Variants in WNT11 observed in about 807,000 individuals in gnomAD.
WNT11 encodes the protein Wnt family member 11.
A neutral mutation model predicts 35.6 loss-of-function variants in WNT11; 20 were observed. The ratio of observed to expected loss-of-function variants is 0.56; its 90% CI spans 0.40 to 0.82. WNT11 has a LOEUF of 0.82. Ranked by LOEUF, WNT11 falls within the 40% of genes least tolerant of loss-of-function variation. The pLI is 0.00. For synonymous variants in WNT11, 200 were observed against 211.9 expected (o/e 0.94, Z 0.49); for missense variants, 459 against 504.4 (o/e 0.91, Z 0.86).
At chr11:76,210,271 G>A (rs2947762), upstream of WNT11, 26,918 of 337,328 alleles carry the variant, frequency 0.08, 1,397 homozygotes, top group East Asian at 0.32. Context: ...CCAGGCTCCC[G>A]AGGCTTCGCT....
At chr11:76,191,511 C>G in intron 4 of WNT11, 53 bp downstream of exon 4, 2 of 1,566,708 alleles carry the variant, frequency 1.3e-6, no homozygotes, top group South Asian at 2.4e-5. Context: ...AGCTGGGGAA[C>G]AGTATGTGCA....
chr11:76,191,313 G>A (rs1953180392), intron 4 of WNT11, among the ~76,000 whole-genome samples: 1 of 152,134 alleles, frequency 6.6e-6, no homozygotes, highest in Non-Finnish European at 1.5e-5. Context: ...GTGGAGCAGG[G>A]GCCCCCCATC....
At chr11:76,187,598 A>C (rs1173503414) in intron 4 of WNT11, among the ~76,000 whole-genome samples, 1 of 111,354 alleles carries the variant, frequency 9.0e-6, no homozygotes, top group Non-Finnish European at 1.8e-5. Context: ...TGCTCCTCCC[A>C]CCCTGGCCTC....
chr11:76,188,146 G>A lies in WNT11; in HGVS notation c.891-907C>T, dbSNP rs140280130. On this transcript the variant is annotated intron_variant, in intron 4 of 4. Coordinates refer to ENST00000322563, the MANE Select transcript of WNT11 (RefSeq NM_004626.3). ...CCACTGGGCATCAGACACGCTGCTC[G>A]TGGAGGAATAGGGGTCTGTTGGCCA... is the stretch of plus-strand genomic sequence containing the variant. 4.6e-3 allele frequency among the ~76,000 whole-genome samples: 694 copies of A among 152,370 alleles called. 5 individuals carry two copies. The highest frequency in any genetic ancestry group is 0.016 in the African/African-American group (658 of 41,598).
upstream of WNT11, among the ~76,000 whole-genome samples, chr11:76,207,270 G>C (rs1190217844): frequency 1.3e-5 from 2 of 152,218 alleles, no homozygotes; most frequent in Non-Finnish European, 2.9e-5. Context: ...GGCTGAGGCA[G>C]GAGAACCGCT....
chr11:76,194,642 A>G lies in WNT11; in HGVS notation c.522T>C (p.Ala174=). 3 of 1,550,548 alleles carry G rather than the reference A, an allele frequency of 1.9e-6. No homozygotes were observed. Among genetic ancestry groups the G allele is most frequent in the Non-Finnish European group, 2.6e-6 (3 of 1,146,916 alleles). The change falls in exon 3 of 5, where the codon GCT becomes GCC. Residue 174 remains alanine (A), a synonymous_variant. Transcript: ENST00000322563. The surrounding 1 kb of genome is among the most constrained non-coding windows in gnomAD (Gnocchi z 5.4). ...GLLMGAKFSD[A]PMKVKKTGSQ... ...ATCCTGTTTTTTTCACCTTCATAGG[A>G]GCATCGGAAAACTTGGCCCCCATGA...
intron 1 of WNT11, among the ~76,000 whole-genome samples, chr11:76,199,109 G>A (rs1215358018): frequency 6.6e-6 from 1 of 151,894 alleles, no homozygotes; most frequent in African/African-American, 2.4e-5. Flanking sequence ...CTCCAGCCTG[G>A]GCGATAGAAC....
At chr11:76,187,692 C>T (rs1953120179) in intron 4 of WNT11, among the ~76,000 whole-genome samples, 1 of 152,100 alleles carries the variant, frequency 6.6e-6, no homozygotes, top group Non-Finnish European at 1.5e-5. Context: ...CTATATTGCT[C>T]AGGCTGGTCT....
Position 76,194,963 on chromosome 11 carries a change from G to C in WNT11, c.320-119C>G. 2.4e-6 allele frequency: 3 copies of C among 1,244,560 alleles called. No individual in the cohort carries two copies. The highest frequency in any genetic ancestry group is 3.2e-6 in the Non-Finnish European group (3 of 928,602). The allele number at this position is 1,244,560 out of a possible 1,614,324, so 77.1% of individuals were successfully genotyped here. On this transcript the variant is annotated intron_variant, in intron 2 of 4. Transcript: ENST00000322563. This position sits in a 1 kb window ranked among gnomAD's most constrained non-coding sequence, Gnocchi z 5.4. ...AACCAAGGTGACGCCAGCAGGGGTCGGCACTAGGGCCATTGAGATGTCACC... is the reference window on the plus strand; with the variant it reads ...AACCAAGGTGACGCCAGCAGGGGTCCGCACTAGGGCCATTGAGATGTCACC...
Position 76,191,710 on chromosome 11 carries a change from C to T in WNT11, c.744G>A (p.Val248=), listed in dbSNP as rs141072454. 4 of 1,613,884 alleles carry T rather than the reference C, an allele frequency of 2.5e-6. No homozygotes were observed. Among genetic ancestry groups the T allele is most frequent in the Non-Finnish European group, 2.5e-6 (3 of 1,180,026 alleles). The change falls in exon 4 of 5, where the codon GTG becomes GTA. Residue 248 remains valine (V), a synonymous_variant. Transcript: ENST00000322563. ...KTRYLSATKV[V]HRPMGTRKHL... is the part of the protein sequence containing the mutation. ...GCTTGCGGGTGCCCATGGGTCGGTG[C>T]ACTACCTTGGTGGCCGACAGGTATC...
intron 4 of WNT11, 60 bp from the exon 5 acceptor site, chr11:76,187,299 C>A: frequency 6.6e-7 from 1 of 1,519,340 alleles, no homozygotes; most frequent in Admixed American, 1.9e-5. Context: ...ACCAACACCC[C>A]ATGACTCCCA....
intron 1 of WNT11, 90 bp from the exon 2 acceptor site, chr11:76,196,808 C>A (rs1953296234): frequency 3.6e-6 from 5 of 1,395,482 alleles, no homozygotes; most frequent in Non-Finnish European, 4.8e-6. Context: ...TGGCCCCAGC[C>A]TTTCCCTCAA....
intron 2 of WNT11, chr11:76,195,129 G>A (rs991657124): frequency 2.2e-6 from 1 of 459,332 alleles, no homozygotes. Flanking sequence ...ACTGGCATTA[G>A]GGGATGCTTT....
At chr11:76,206,228 C>T in intron 1 of WNT11, 97 bp downstream of exon 1, 1 of 1,148,680 alleles carries the variant, frequency 8.7e-7, no homozygotes, top group Admixed American at 3.8e-5. Flanking sequence ...CTTAGGCTCC[C>T]GGGTCTTGGT....
chr11:76,188,327 T>C (rs140832168), intron 4 of WNT11, among the ~76,000 whole-genome samples: 4 of 152,362 alleles, frequency 2.6e-5, no homozygotes, highest in African/African-American at 7.2e-5. Flanking sequence ...ACTAAGGCCC[T>C]GACTTGCTCT....
upstream of WNT11, among the ~76,000 whole-genome samples, chr11:76,209,526 G>A (rs1278284274): frequency 6.6e-6 from 1 of 152,184 alleles, no homozygotes; most frequent in Admixed American, 6.5e-5. Flanking sequence ...CGCAGCTCAC[G>A]GAGCTGACCC....
chr11:76,192,672 G>A (rs1306112411), intron 3 of WNT11, among the ~76,000 whole-genome samples: 1 of 152,228 alleles, frequency 6.6e-6, no homozygotes, highest in Non-Finnish European at 1.5e-5. Flanking sequence ...GCCCCCTTGG[G>A]CTCAGAGGCT....
chr11:76,196,810 T>A (rs1367210264), intron 1 of WNT11, 92 bp from the exon 2 acceptor site: 9 of 1,376,706 alleles, frequency 6.5e-6, no homozygotes, highest in Non-Finnish European at 8.8e-6. Flanking sequence ...GCCCCAGCCT[T>A]TCCCTCAATG....
At chr11:76,199,771 TA>T (rs1565195328) in intron 1 of WNT11, among the ~76,000 whole-genome samples, 1 of 152,128 alleles carries the variant, frequency 6.6e-6, no homozygotes, top group Non-Finnish European at 1.5e-5. Flanking sequence ...AGCCTGGCGA[TA>T]GAGTGAGGCT....
Sources: gnomAD v4.1 joint callset for allele counts (sites outside exome capture counted in the v4.1 genomes callset) on GRCh38, gnomAD v4.1.1 for gene constraint, Gnocchi (gnomAD v3.1) non-coding constraint, MANE v1.5 for transcripts, NCBI Gene and HGNC (gene_info 2026-07-23, HGNC 2026-07-21) for gene names.